Variants in PCLO observed in about 807,000 individuals in gnomAD.
PCLO encodes protein piccolo.
Under a neutral mutation model 427.5 loss-of-function variants are expected in PCLO, and 82 were observed. The ratio of observed to expected loss-of-function variants is 0.19; its 90% CI spans 0.16 to 0.23. The LOEUF is 0.23. Among genes scored for constraint, PCLO ranks in the 10% least tolerant of loss-of-function variants. PCLO has a pLI of 1.00. For synonymous variants in PCLO, 2,357 were observed against 2,155.4 expected (o/e 1.09, Z -2.59); for missense variants, 6,239 against 6,115.9 (o/e 1.02, Z -0.67).
At chr7:82,905,664 T>C (rs1444399467) in intron 8 of PCLO, among the ~76,000 whole-genome samples, 1 of 151,866 alleles carries the variant, frequency 6.6e-6, no homozygotes, top group Non-Finnish European at 1.5e-5. Context: ...GGGTGATGAT[T>C]AGGGTTTGCC....
intron 3 of PCLO, among the ~76,000 whole-genome samples, chr7:83,098,757 C>G (rs1309373409): frequency 6.6e-6 from 1 of 152,020 alleles, no homozygotes; most frequent in Non-Finnish European, 1.5e-5. Context: ...AAGGGGAAAC[C>G]TCTCATGCTC....
At chr7:83,082,116 TACACAC>T (rs144592853) in intron 3 of PCLO, among the ~76,000 whole-genome samples, 2 of 148,964 alleles carry the variant, frequency 1.3e-5, no homozygotes, top group East Asian at 2.0e-4. Context: ...TCCTATACTA[TACACAC>T]ACACACACAC....
intron 3 of PCLO, among the ~76,000 whole-genome samples, chr7:83,099,995 T>A (rs897866015): frequency 2.0e-5 from 3 of 152,118 alleles, no homozygotes; most frequent in Non-Finnish European, 4.4e-5. Flanking sequence ...CTTATTATAT[T>A]AAATAATGTT....
At chr7:83,042,178 C>A (rs1788988802) in intron 3 of PCLO, among the ~76,000 whole-genome samples, 1 of 152,014 alleles carries the variant, frequency 6.6e-6, no homozygotes, top group South Asian at 2.1e-4. Context: ...TCATACTACT[C>A]TAGTTATTTT....
intron 3 of PCLO, among the ~76,000 whole-genome samples, chr7:83,098,458 C>T (rs1435301902): frequency 6.6e-6 from 1 of 152,108 alleles, no homozygotes; most frequent in South Asian, 2.1e-4. Flanking sequence ...CTTGATGGAG[C>T]TTACAGTCTC....
chr7:82,881,889 T>C (rs892849977), intron 9 of PCLO, among the ~76,000 whole-genome samples: 2 of 152,080 alleles, frequency 1.3e-5, no homozygotes, highest in African/African-American at 2.4e-5. Context: ...GTGACCCTTT[T>C]GCCTCAGCCT....
chr7:83,068,344 G>T (rs1406075169), intron 3 of PCLO, among the ~76,000 whole-genome samples: 1 of 151,950 alleles, frequency 6.6e-6, no homozygotes, highest in African/African-American at 2.4e-5. Flanking sequence ...AAGCTTATTT[G>T]CAAACCACAT....
At chr7:83,098,070 A>C in intron 3 of PCLO, among the ~76,000 whole-genome samples, 1 of 152,130 alleles carries the variant, frequency 6.6e-6, no homozygotes, top group East Asian at 1.9e-4. Flanking sequence ...AATAAGTTAG[A>C]TAGTTTATTC....
At chr7:83,078,830 C>G (rs1790024653) in intron 3 of PCLO, among the ~76,000 whole-genome samples, 2 of 152,112 alleles carry the variant, frequency 1.3e-5, no homozygotes, top group Non-Finnish European at 1.5e-5. Context: ...TCCAACCCAC[C>G]TGGCCACTAG....
chr7:83,133,933 C>T (rs1791639035), intron 3 of PCLO, among the ~76,000 whole-genome samples: 1 of 151,540 alleles, frequency 6.6e-6, no homozygotes, highest in South Asian at 2.1e-4. Flanking sequence ...GAAAATAGTC[C>T]TCAAAAGCTA....
At chr7:82,812,930 A>G (rs1791602517) in intron 20 of PCLO, among the ~76,000 whole-genome samples, 1 of 151,592 alleles carries the variant, frequency 6.6e-6, no homozygotes, top group South Asian at 2.1e-4. Flanking sequence ...AAACTCAAGC[A>G]GGAATAAAGA....
intron 6 of PCLO, among the ~76,000 whole-genome samples, chr7:82,925,713 C>CTTT (rs34017885): frequency 6.4e-3 from 506 of 78,980 alleles, no homozygotes; most frequent in Non-Finnish European, 7.8e-3. Context: ...ATTTTTGTTG[C>CTTT]TTTTTTTTTT....
At chr7:82,979,336 G>T (rs868298933) in intron 3 of PCLO, among the ~76,000 whole-genome samples, 13 of 152,108 alleles carry the variant, frequency 8.5e-5, no homozygotes, top group South Asian at 2.1e-4. Context: ...TTGAAAACAT[G>T]ATTTTTATTG....
At chr7:82,767,646 A>C (rs1790558992) in intron 22 of PCLO, among the ~76,000 whole-genome samples, 1 of 152,132 alleles carries the variant, frequency 6.6e-6, no homozygotes, top group Admixed American at 6.6e-5. Context: ...GATACATATA[A>C]TCTTTTCTCA....
Position 82,845,360 on chromosome 7 carries a change from C to G in PCLO, c.13957G>C (p.Gly4653Arg), listed in dbSNP as rs763260892. Residue 4653 changes from glycine to arginine, a missense_variant, in exon 13 of 25, where the codon GGT becomes CGT. Physicochemically the swap from Gly to Arg is moderately radical, Grantham distance 125 (BLOSUM62 -2). Coordinates refer to ENST00000333891, the MANE Select transcript of PCLO (RefSeq NM_033026.6). ...GAACTGGATCCTGCTGATGTAGGACCTGAATGAACATGAGATCCTTTTTCA... is the reference window on the plus strand; with the variant it reads ...GAACTGGATCCTGCTGATGTAGGACGTGAATGAACATGAGATCCTTTTTCA... The part of the protein sequence containing the change: ...VVEKGSHVHS[G>R]PTSAGSSSVP... 6.2e-7 allele frequency: 1 copy of G among 1,613,434 alleles called. No homozygotes were observed. The highest frequency in any genetic ancestry group is 8.5e-7 in the Non-Finnish European group (1 of 1,179,664).
At chr7:83,135,896 G>C (rs1278437150) in intron 2 of PCLO, among the ~76,000 whole-genome samples, 1 of 151,984 alleles carries the variant, frequency 6.6e-6, no homozygotes, top group African/African-American at 2.4e-5. Flanking sequence ...TCAGGAGTTT[G>C]AGACAAGCCT....
At chr7:82,985,125 C>A (rs1240645508) in intron 3 of PCLO, among the ~76,000 whole-genome samples, 2 of 151,946 alleles carry the variant, frequency 1.3e-5, no homozygotes, top group Admixed American at 1.3e-4. Flanking sequence ...CACCTACTGA[C>A]CTGATACATG....
At chr7:82,866,577 GT>G (rs1370757537) in intron 10 of PCLO, among the ~76,000 whole-genome samples, 1 of 151,760 alleles carries the variant, frequency 6.6e-6, no homozygotes, top group African/African-American at 2.4e-5. Flanking sequence ...AATGAGTAGA[GT>G]GTAAAAGGAA....
At chr7:82,870,043 T>C (rs1472841333) in intron 10 of PCLO, among the ~76,000 whole-genome samples, 1 of 152,010 alleles carries the variant, frequency 6.6e-6, no homozygotes, top group African/African-American at 2.4e-5. Context: ...ATGCAATCTC[T>C]ATCAAAATAT....
Sources: gnomAD v4.1 joint callset for allele counts (sites outside exome capture counted in the v4.1 genomes callset) on GRCh38, gnomAD v4.1.1 for gene constraint, MANE v1.5 for transcripts, NCBI Gene and HGNC (gene_info 2026-07-23, HGNC 2026-07-21) for gene names.